FBLN2: variants seen among roughly 807,000 people sequenced by gnomAD.
FBLN2 encodes fibulin-2.
FBLN2 carries 81 observed loss-of-function variants against 123.7 expected under a neutral mutation model. The ratio of observed to expected loss-of-function variants is 0.65; its 90% CI spans 0.55 to 0.79. FBLN2 has a LOEUF of 0.79. Among genes scored for constraint, FBLN2 ranks in the 30% least tolerant of loss-of-function variants. The pLI is 0.00. For missense variants in FBLN2, 1,603 were observed against 1,681.3 expected (o/e 0.95, Z 0.81); for synonymous variants, 699 against 701.4 (o/e 1.00, Z 0.05).
In FBLN2 at chr3:13,578,989, A is replaced by G. The variant is rs1427214259; in HGVS notation, c.1306+7328A>G. Among the ~76,000 whole-genome samples, 7 of 152,306 alleles carry G rather than the reference A, an allele frequency of 4.6e-5. No homozygotes were observed. In the East Asian group the frequency reaches 1.3e-3, roughly 29 times the overall value. On this transcript the variant is annotated intron_variant, in intron 2 of 17. Coordinates refer to ENST00000404922, the MANE Select transcript of FBLN2 (RefSeq NM_001004019.2). Reference sequence around the variant, plus strand: ...AGAATCGCTTGAACCTAGGAGGCGGAGGTTGTGGTGAGCCACGATCACGCC... The same window carrying G: ...AGAATCGCTTGAACCTAGGAGGCGGGGGTTGTGGTGAGCCACGATCACGCC...
At chr3:13,617,686 A>ACCATCCATCCAT (rs574629860) in intron 5 of FBLN2, among the ~76,000 whole-genome samples, 6 of 61,896 alleles carry the variant, frequency 9.7e-5, no homozygotes, top group African/African-American at 6.1e-4. Context: ...CATCCATCTA[A>ACCATCCATCCAT]CCATCCATCC....
At chr3:13,576,395 T>C (rs112967736) in intron 2 of FBLN2, among the ~76,000 whole-genome samples, 109 of 152,296 alleles carry the variant, frequency 7.2e-4, no homozygotes, top group African/African-American at 2.6e-3. Flanking sequence ...TTCCCAGGGA[T>C]GCCAGGACAT....
chr3:13,632,487 A>G (rs905732922), intron 16 of FBLN2, among the ~76,000 whole-genome samples: 2 of 152,334 alleles, frequency 1.3e-5, no homozygotes, highest in African/African-American at 4.8e-5. Context: ...AGCACAGTGC[A>G]GGCTGGTGGT....
At chr3:13,592,465 G>A (rs1026704691) in intron 2 of FBLN2, among the ~76,000 whole-genome samples, 2 of 152,148 alleles carry the variant, frequency 1.3e-5, no homozygotes, top group African/African-American at 4.8e-5. Context: ...TTTCAAGATT[G>A]TTTCAGCTGT....
At position 13,638,188 on chromosome 3, in the gene FBLN2, T is replaced by A. The variant is rs1061390; in HGVS notation, c.*269T>A. The A allele has an allele frequency of 0.23, 142,529 of 630,352 alleles. 16,716 individuals are homozygous for A. Among genetic ancestry groups the A allele is most frequent in the Admixed American group, 0.32 (11,937 of 37,642 alleles). The allele number at this position is 630,352 out of a possible 1,614,324, so 39.0% of individuals were successfully genotyped here. On this transcript the variant is annotated 3_prime_UTR_variant, in exon 18 of 18. Transcript: ENST00000404922. ...CTGTGGGTGAGGCTGGGTGATGACC[T>A]GAGGACCAGAGACACGCGACCATGT...
At chr3:13,571,785 G>A (rs1414651158) in intron 2 of FBLN2, 124 bp downstream of exon 2, 1 of 1,079,342 alleles carries the variant, frequency 9.3e-7, no homozygotes, top group African/African-American at 1.6e-5. Context: ...GGCCTAGGGT[G>A]GCCACCCCAG....
At chr3:13,551,612 C>G (rs1211063383) in intron 1 of FBLN2, among the ~76,000 whole-genome samples, 3 of 152,158 alleles carry the variant, frequency 2.0e-5, no homozygotes, top group African/African-American at 7.2e-5. Context: ...ACTTGGTCTC[C>G]TTGGCCGTGG....
intron 11 of FBLN2, among the ~76,000 whole-genome samples, chr3:13,628,567 C>G (rs1706130555): frequency 6.6e-6 from 1 of 152,220 alleles, no homozygotes; most frequent in African/African-American, 2.4e-5. Flanking sequence ...CTCTGTGCCT[C>G]TAAAACTTCT....
intron 1 of FBLN2, among the ~76,000 whole-genome samples, chr3:13,558,911 T>C (rs540431539): frequency 6.6e-6 from 1 of 151,704 alleles, no homozygotes; most frequent in African/African-American, 2.4e-5. Context: ...TAGGAGAGTT[T>C]CAGGAGAGAG....
intron 16 of FBLN2, among the ~76,000 whole-genome samples, chr3:13,635,834 A>G (rs1706443952): frequency 6.6e-6 from 1 of 152,198 alleles, no homozygotes; most frequent in African/African-American, 2.4e-5. Context: ...GGGACGGTAG[A>G]AACATACAAA....
chr3:13,580,244 T>C (rs1172059078), intron 2 of FBLN2, among the ~76,000 whole-genome samples: 1 of 152,158 alleles, frequency 6.6e-6, no homozygotes, highest in Non-Finnish European at 1.5e-5. Context: ...CTAGGAGATA[T>C]GGATGTAATT....
intron 2 of FBLN2, among the ~76,000 whole-genome samples, chr3:13,581,335 A>G (rs1288198380): frequency 6.6e-6 from 1 of 152,098 alleles, no homozygotes; most frequent in Non-Finnish European, 1.5e-5. Context: ...GATTTGAAAC[A>G]AACCAATGCA....
intron 2 of FBLN2, among the ~76,000 whole-genome samples, chr3:13,580,995 G>T (rs533645984): frequency 6.6e-6 from 1 of 152,222 alleles, no homozygotes; most frequent in Non-Finnish European, 1.5e-5. Context: ...GTGCCACGTG[G>T]TCTCCAGCTG....
intron 1 of FBLN2, among the ~76,000 whole-genome samples, chr3:13,569,940 G>C (rs1703872678): frequency 6.6e-6 from 1 of 152,078 alleles, no homozygotes; most frequent in African/African-American, 2.4e-5. Context: ...TGCCTGACGT[G>C]CCCTGGTGAG....
rs558549663 is a variant in FBLN2, at chr3:13,629,111, G to GGT, written c.2714-45_2714-44dup. The GGT allele has an allele frequency of 3.2e-4, 521 of 1,612,790 alleles. 2 individuals carry two copies. The African/African-American group carries it at 6.2e-3, about 19-fold the overall frequency. On this transcript the variant is annotated intron_variant, in intron 12 of 17. Transcript: ENST00000404922. Reference sequence around the variant, plus strand: ...CCTGCCCGCTTCCCCACCCCTGGGAGGTGTGTGTGGAGGGAGCCCCAGGCC... The same window carrying GGT: ...CCTGCCCGCTTCCCCACCCCTGGGAGGTGTGTGTGTGGAGGGAGCCCCAGGCC...
chr3:13,616,511 G>T (rs1574986543), intron 5 of FBLN2, among the ~76,000 whole-genome samples: 1 of 152,196 alleles, frequency 6.6e-6, no homozygotes, highest in Admixed American at 6.5e-5. Flanking sequence ...GGACCAGACC[G>T]CCAGCCATCA....
At chr3:13,622,004 G>A (rs1215874988) in intron 9 of FBLN2, 89 bp downstream of exon 9, 29 of 1,467,756 alleles carry the variant, frequency 2.0e-5, no homozygotes, top group Non-Finnish European at 2.3e-5. Flanking sequence ...CATGCCAAAG[G>A]GCCTGCCCTT....
chr3:13,584,300 C>G (rs979834540), intron 2 of FBLN2, among the ~76,000 whole-genome samples: 2 of 152,244 alleles, frequency 1.3e-5, no homozygotes, highest in Non-Finnish European at 2.9e-5. Flanking sequence ...CCTCCTGACA[C>G]CACTAGGATG....
At position 13,566,819 on chromosome 3, in the gene FBLN2, A is replaced by G. The variant is rs943555734; in HGVS notation, c.-41-3496A>G. ...CGTTTTCAATTTATGCATGCTGGTAACCAATTTAAAATGAGAAACCCACTG... is the reference window on the plus strand; with the variant it reads ...CGTTTTCAATTTATGCATGCTGGTAGCCAATTTAAAATGAGAAACCCACTG... On this transcript the variant is annotated intron_variant, in intron 1 of 17. Coordinates refer to ENST00000404922, the MANE Select transcript of FBLN2 (RefSeq NM_001004019.2). Among the ~76,000 whole-genome samples, 4 of 152,300 alleles carry G rather than the reference A, an allele frequency of 2.6e-5. No individual in the cohort carries two copies. In the East Asian group the frequency reaches 7.7e-4, roughly 29 times the overall value.
Sources: gnomAD v4.1 joint callset for allele counts (sites outside exome capture counted in the v4.1 genomes callset) on GRCh38, gnomAD v4.1.1 for gene constraint, MANE v1.5 for transcripts, NCBI Gene and HGNC (gene_info 2026-07-23, HGNC 2026-07-21) for gene names.